Variants in KCTD16 observed in about 807,000 individuals in gnomAD.
KCTD16 encodes the protein potassium channel tetramerization domain containing 16.
A neutral mutation model predicts 33.2 loss-of-function variants in KCTD16; 13 were observed. The ratio of observed to expected loss-of-function variants is 0.39; its 90% CI spans 0.25 to 0.62. The LOEUF (loss-of-function observed/expected upper bound fraction) is 0.62, where lower values mean the gene tolerates loss of function less well. Ranked by LOEUF, KCTD16 falls within the 20% of genes least tolerant of loss-of-function variation. The pLI is 0.50. For synonymous variants in KCTD16, 197 were observed against 195.3 expected, an observed-to-expected ratio of 1.01 and a Z score of -0.07; for missense variants, 441 against 525.1, an observed-to-expected ratio of 0.84 and a Z score of 1.57.
In KCTD16 at chr5:144,481,759, T is replaced by G. The variant is rs778893161; in HGVS notation, c.*7645T>G. Reference sequence around the variant, plus strand: ...CATTATAATGTCTAAGCAATCAAATTTGGAGTAAAGAACTTGAATTAAGTT... The same window carrying G: ...CATTATAATGTCTAAGCAATCAAATGTGGAGTAAAGAACTTGAATTAAGTT... On this transcript the variant is annotated 3_prime_UTR_variant, in exon 4 of 4. Coordinates refer to ENST00000512467, the MANE Select transcript of KCTD16 (RefSeq NM_020768.4). 14 of 151,964 alleles carry G rather than the reference T, an allele frequency of 9.2e-5. No individual in the cohort carries two copies. The highest frequency in any genetic ancestry group is 1.5e-4 in the Non-Finnish European group (10 of 67,930). 9.4% of individuals were successfully genotyped at this position (151,964 alleles called of 1,614,324 possible). A position where few individuals can be genotyped will look rare whatever the true frequency, so the allele number is the denominator to read the frequency against.
At chr5:144,400,140 G>A (rs1023120619) in intron 3 of KCTD16, among the ~76,000 whole-genome samples, 1 of 152,214 alleles carries the variant, frequency 6.6e-6, no homozygotes, top group Non-Finnish European at 1.5e-5. Context: ...ACAGAGGAAG[G>A]TAGTTTGGCT....
In KCTD16 at chr5:144,207,445, G is replaced by T. The variant is rs763092682; in HGVS notation, c.731G>T (p.Gly244Val). ...GCTTTTGATATGTTGTCAGAGTGTG[G>T]ATTCCACATGGTGGCCTGTAACTCA... ...ERAFDMLSEC[G>V]FHMVACNSSV... The change falls in exon 3 of 4, where the codon GGA becomes GTA. Residue 244 changes from glycine to valine, a missense_variant. By Grantham distance (109) the Gly-to-Val change is moderately radical. Transcript: ENST00000512467. The T allele has an allele frequency of 6.2e-7, 1 of 1,614,184 alleles. No homozygotes were observed. The highest frequency in any genetic ancestry group is 8.5e-7 in the Non-Finnish European group (1 of 1,180,042).
intron 3 of KCTD16, among the ~76,000 whole-genome samples, chr5:144,354,493 C>A (rs920515018): frequency 6.6e-6 from 1 of 152,162 alleles, no homozygotes; most frequent in South Asian, 2.1e-4. Context: ...ATCCTTAGAA[C>A]CTCCACCTAT....
chr5:144,409,290 C>T (rs1752880503), intron 3 of KCTD16, among the ~76,000 whole-genome samples: 1 of 152,036 alleles, frequency 6.6e-6, no homozygotes, highest in African/African-American at 2.4e-5. Context: ...GGTTATGCTC[C>T]ATTAAATTTT....
chr5:144,423,245 G>A (rs1219763926), intron 3 of KCTD16, among the ~76,000 whole-genome samples: 1 of 152,088 alleles, frequency 6.6e-6, no homozygotes, highest in Non-Finnish European at 1.5e-5. Context: ...AAGATTACAT[G>A]GGCTCCAGTA....
intron 3 of KCTD16, among the ~76,000 whole-genome samples, chr5:144,310,755 T>C (rs1215740679): frequency 6.6e-6 from 1 of 152,138 alleles, no homozygotes; most frequent in Non-Finnish European, 1.5e-5. Context: ...TCTCACTTTA[T>C]GTAGCTGTGA....
At chr5:144,299,903 AAAAAAAAAAAAAC>A (rs1364039233) in intron 3 of KCTD16, among the ~76,000 whole-genome samples, 1 of 143,614 alleles carries the variant, frequency 7.0e-6, no homozygotes, top group Non-Finnish European at 1.5e-5. Flanking sequence ...TCATTTAAAA[AAAAAAAAAAAAAC>A]AAAAAACAAA....
At chr5:144,218,792 C>T (rs1241452861) in intron 3 of KCTD16, among the ~76,000 whole-genome samples, 1 of 152,178 alleles carries the variant, frequency 6.6e-6, no homozygotes, top group Non-Finnish European at 1.5e-5. Flanking sequence ...GCAACTACTA[C>T]AGTGCTGAAC....
chr5:144,446,740 G>A (rs1046233964), intron 3 of KCTD16, among the ~76,000 whole-genome samples: 1 of 152,004 alleles, frequency 6.6e-6, no homozygotes, highest in African/African-American at 2.4e-5. Context: ...TCAAAAAATG[G>A]GCAAAGAATA....
intron 3 of KCTD16, among the ~76,000 whole-genome samples, chr5:144,330,706 C>T (rs750833033): frequency 5.9e-5 from 9 of 152,030 alleles, no homozygotes; most frequent in Non-Finnish European, 1.2e-4. Context: ...CCAATAGCCT[C>T]TTATGGTATA....
intron 3 of KCTD16, among the ~76,000 whole-genome samples, chr5:144,406,932 C>T (rs1000040135): frequency 1.3e-5 from 2 of 152,156 alleles, no homozygotes; most frequent in African/African-American, 4.8e-5. Flanking sequence ...TCAAAATTAT[C>T]TTATTCCTGA....
At chr5:144,470,445 T>C (rs1754443484) in intron 3 of KCTD16, among the ~76,000 whole-genome samples, 1 of 152,204 alleles carries the variant, frequency 6.6e-6, no homozygotes. Flanking sequence ...AGGACTACAG[T>C]TGGGCTGTAG....
intron 3 of KCTD16, among the ~76,000 whole-genome samples, chr5:144,257,176 C>G (rs954620719): frequency 2.0e-5 from 3 of 152,070 alleles, no homozygotes; most frequent in Non-Finnish European, 2.9e-5. Context: ...TTGATATTTC[C>G]CAAAGCACAA....
chr5:144,478,690 G>T lies in KCTD16; in HGVS notation c.*4576G>T, dbSNP rs892966594. Reference sequence around the variant, plus strand: ...TACTTTGAAAAATTCTGCTGTTTAGGGAATATGCAGAGGCCAAGAGTTCCT... The same window carrying T: ...TACTTTGAAAAATTCTGCTGTTTAGTGAATATGCAGAGGCCAAGAGTTCCT... On this transcript the variant is annotated 3_prime_UTR_variant, in exon 4 of 4. Transcript: ENST00000512467. The T allele has an allele frequency of 1.3e-5, 2 of 151,914 alleles. No homozygotes were observed. The highest frequency in any genetic ancestry group is 1.3e-4 in the Admixed American group (2 of 15,236). The allele number at this position is 151,914 out of a possible 1,614,324, so 9.4% of individuals were successfully genotyped here. A position where few individuals can be genotyped will look rare whatever the true frequency, so the allele number is the denominator to read the frequency against.
intron 3 of KCTD16, among the ~76,000 whole-genome samples, chr5:144,257,947 A>T (rs1363672233): frequency 1.3e-5 from 2 of 152,218 alleles, no homozygotes; most frequent in Non-Finnish European, 2.9e-5. Context: ...TCGATAAGTT[A>T]TAAGGATATT....
intron 3 of KCTD16, among the ~76,000 whole-genome samples, chr5:144,303,331 T>G (rs1293119603): frequency 1.3e-5 from 2 of 152,222 alleles, no homozygotes; most frequent in Non-Finnish European, 2.9e-5. Flanking sequence ...TTTCTAGACT[T>G]AGGAACAAAG....
At chr5:144,303,834 T>C (rs560140681) in intron 3 of KCTD16, among the ~76,000 whole-genome samples, 1 of 152,260 alleles carries the variant, frequency 6.6e-6, no homozygotes, top group South Asian at 2.1e-4. Flanking sequence ...GAGTTCAAAC[T>C]TAAATGCCAT....
chr5:144,406,449 T>A (rs1054910653), intron 3 of KCTD16, among the ~76,000 whole-genome samples: 1 of 152,204 alleles, frequency 6.6e-6, no homozygotes, highest in African/African-American at 2.4e-5. Flanking sequence ...TAAAAATAAC[T>A]CAATGGCAGG....
chr5:144,422,585 A>G (rs1490955335), intron 3 of KCTD16, among the ~76,000 whole-genome samples: 1 of 152,148 alleles, frequency 6.6e-6, no homozygotes. Flanking sequence ...GAAATGTGGG[A>G]TAGTATTGAA....
Sources: gnomAD v4.1 joint callset for allele counts (sites outside exome capture counted in the v4.1 genomes callset) on GRCh38, gnomAD v4.1.1 for gene constraint, MANE v1.5 for transcripts, NCBI Gene and HGNC (gene_info 2026-07-23, HGNC 2026-07-21) for gene names.